The following TRANK1 variants were observed in gnomAD, a reference collection of about 807,000 sequenced individuals.
TRANK1 encodes the protein TPR and ankyrin repeat-containing protein 1.
A neutral mutation model predicts 266.0 loss-of-function variants in TRANK1; 198 were observed. The observed-to-expected ratio is 0.74, with a 90% CI of 0.66 to 0.84. TRANK1 has a LOEUF of 0.84. Ranked by LOEUF, TRANK1 falls within the 40% of genes least tolerant of loss-of-function variation. The pLI is 0.00. For synonymous variants in TRANK1, 1,396 were observed against 1,384.1 expected (o/e 1.01, Z -0.19); for missense variants, 3,326 against 3,634.6 (o/e 0.92, Z 2.18).
At chr3:36,935,658 G>A (rs1046772185) in intron 1 of TRANK1, among the ~76,000 whole-genome samples, 2 of 152,002 alleles carry the variant, frequency 1.3e-5, no homozygotes, top group Non-Finnish European at 2.9e-5. Flanking sequence ...TGTTGGTCAG[G>A]CTGGTCTTGA....
chr3:36,873,823 A>AT (rs1169850537), intron 9 of TRANK1, among the ~76,000 whole-genome samples: 2 of 151,266 alleles, frequency 1.3e-5, no homozygotes, highest in Non-Finnish European at 2.9e-5. Context: ...ATTCTGTCTA[A>AT]TTTTTTTCCT....
At chr3:36,939,298 C>CACAT (rs2080466087) in intron 1 of TRANK1, among the ~76,000 whole-genome samples, 2 of 151,398 alleles carry the variant, frequency 1.3e-5, no homozygotes, top group African/African-American at 4.9e-5. Context: ...CACACACACA[C>CACAT]GCCTCTACTT....
rs376323621 is a variant in TRANK1 at position 36,892,284 on chromosome 3, C to G, written c.693G>C (p.Gln231His). ...CACTTGCACCAATGGAGATGAGCCACTGGACTAACTTGGGCACTTGTTCCA... is the reference window on the plus strand; with the variant it reads ...CACTTGCACCAATGGAGATGAGCCAGTGGACTAACTTGGGCACTTGTTCCA... The part of the protein sequence containing the change: ...EKMEQVPKLV[Q>H]WLISIGASVE... The change falls in exon 7 of 24, where the codon CAG (glutamine) becomes CAC (histidine). Residue 231 changes from glutamine to histidine, a missense_variant. By Grantham distance (24) the Gln-to-His change is conservative. Transcript: ENST00000645898. The G allele has an allele frequency of 6.5e-7, 1 of 1,537,058 alleles. No homozygotes were observed. Among genetic ancestry groups the G allele is most frequent in the Non-Finnish European group, 8.7e-7 (1 of 1,146,892 alleles).
At chr3:36,909,189 T>G (rs1012791363) in intron 1 of TRANK1, among the ~76,000 whole-genome samples, 1 of 152,242 alleles carries the variant, frequency 6.6e-6, no homozygotes, top group African/African-American at 2.4e-5. Flanking sequence ...TATTTGCCTC[T>G]TTCAGGTCAA....
chr3:36,918,393 A>G (rs996423191), intron 1 of TRANK1, among the ~76,000 whole-genome samples: 1 of 151,460 alleles, frequency 6.6e-6, no homozygotes, highest in Non-Finnish European at 1.5e-5. Flanking sequence ...ATGGCAAACT[A>G]TGTTTTGTGT....
At chr3:36,845,134 A>C (rs2125525869) in intron 17 of TRANK1, among the ~76,000 whole-genome samples, 1 of 152,314 alleles carries the variant, frequency 6.6e-6, no homozygotes, top group East Asian at 1.9e-4. Flanking sequence ...CGACAACCCC[A>C]TACCCACCAA....
intron 2 of TRANK1, among the ~76,000 whole-genome samples, chr3:36,905,684 G>A (rs1158488550): frequency 6.6e-6 from 1 of 152,188 alleles, no homozygotes; most frequent in African/African-American, 2.4e-5. Context: ...TGACTGATAT[G>A]AGAATCAAAA....
At chr3:36,843,059 C>A (rs982380250) in intron 17 of TRANK1, among the ~76,000 whole-genome samples, 5 of 152,182 alleles carry the variant, frequency 3.3e-5, no homozygotes, top group Middle Eastern at 3.2e-3. Context: ...AAGAAACCAA[C>A]CCTGCCAACA....
At chr3:36,892,852 C>CAT (rs60833390) in intron 6 of TRANK1, 49 bp downstream of exon 6, 23,177 of 570,372 alleles carry the variant, frequency 0.041, 248 homozygotes, top group African/African-American at 0.066. Context: ...CAAAACAAAA[C>CAT]ATATATATAT....
chr3:36,889,042 T>C (rs1559455154), intron 8 of TRANK1, among the ~76,000 whole-genome samples: 1 of 152,136 alleles, frequency 6.6e-6, no homozygotes, highest in East Asian at 1.9e-4. Context: ...TGAGACTCCA[T>C]CTCAAAAAAA....
chr3:36,932,310 C>A lies in TRANK1; in HGVS notation c.23+12477G>T, dbSNP rs192463641. The stretch of plus-strand genomic sequence containing the variant: ...GCACAGCAGAGTGCAGTGGCTCACG[C>A]CTGTAATCCCAGCACTTTGGGAGGT... On this transcript the variant is annotated intron_variant, in intron 1 of 23. Transcript: ENST00000645898. 5.6e-4 allele frequency among the ~76,000 whole-genome samples: 85 copies of A among 152,296 alleles called. 1 individual carries two copies. In the East Asian group the frequency reaches 0.014, roughly 26 times the overall value.
chr3:36,865,024 GT>G (rs34540496), intron 9 of TRANK1, among the ~76,000 whole-genome samples: 2,965 of 119,654 alleles, frequency 0.025, 25 homozygotes, highest in South Asian at 0.057. Context: ...TGTTTTTTTG[GT>G]TTTTTTTTTT....
chr3:36,905,875 C>T (rs2079960243), intron 2 of TRANK1, among the ~76,000 whole-genome samples: 1 of 152,168 alleles, frequency 6.6e-6, no homozygotes, highest in Non-Finnish European at 1.5e-5. Flanking sequence ...ATCACATGCA[C>T]CTGAGTCTCA....
chr3:36,834,291 T>C (rs2078738228), intron 21 of TRANK1: 1 of 206,716 alleles, frequency 4.8e-6, no homozygotes, highest in South Asian at 1.2e-4. Context: ...ATCATAATCA[T>C]CTGGGTCTAC....
intron 15 of TRANK1, chr3:36,851,161 T>C: frequency 1.0e-6 from 1 of 985,726 alleles, no homozygotes; most frequent in Non-Finnish European, 1.2e-6. Flanking sequence ...ATGTGGGGAC[T>C]CTTTGGCTGC....
At chr3:36,870,981 A>C (rs1282594518) in intron 9 of TRANK1, among the ~76,000 whole-genome samples, 1 of 151,558 alleles carries the variant, frequency 6.6e-6, no homozygotes, top group Non-Finnish European at 1.5e-5. Flanking sequence ...AAAAAAAAAA[A>C]AAAAAACCTA....
intron 9 of TRANK1, among the ~76,000 whole-genome samples, chr3:36,865,024 G>GTGGT (rs2079194919): frequency 8.3e-6 from 1 of 119,808 alleles, no homozygotes. Context: ...TGTTTTTTTG[G>GTGGT]TTTTTTTTTT....
In TRANK1 at chr3:36,846,382, T is replaced by C. The variant is rs1235392984; in HGVS notation, c.5057A>G (p.Gln1686Arg). ...AGCCCGTGTGATGGCGGTGTACAGC[T>C]GCTTCAGCTCTCCGTTGAGGAGCTA... ...MYKLLNGELK[Q>R]LYTAITRARV... The change falls in exon 17 of 24, where the codon CAG (glutamine) becomes CGG (arginine). Residue 1686 changes from glutamine (Q) to arginine (R), a missense_variant. Gln to Arg is a conservative substitution (Grantham distance 43). Transcript: ENST00000645898. The C allele has an allele frequency of 1.2e-6, 2 of 1,613,244 alleles. No individual in the cohort carries two copies. Among genetic ancestry groups the C allele is most frequent in the African/African-American group, 2.7e-5 (2 of 74,906 alleles).
chr3:36,906,739 C>G (rs2079973978), intron 2 of TRANK1, among the ~76,000 whole-genome samples: 1 of 152,132 alleles, frequency 6.6e-6, no homozygotes, highest in East Asian at 1.9e-4. Flanking sequence ...CTGAGAAAGG[C>G]AAGGAAGTGC....
Sources: gnomAD v4.1 joint callset for allele counts (sites outside exome capture counted in the v4.1 genomes callset) on GRCh38, gnomAD v4.1.1 for gene constraint, MANE v1.5 for transcripts, NCBI Gene and HGNC (gene_info 2026-07-23, HGNC 2026-07-21) for gene names.